TMEM132D: variants seen among roughly 807,000 people sequenced by gnomAD.
TMEM132D encodes the protein mature OL transmembrane protein.
In TMEM132D, 21 loss-of-function variants were observed where a neutral mutation model predicts 62.3. The ratio of observed to expected loss-of-function variants is 0.34; its 90% CI spans 0.24 to 0.49. The LOEUF (loss-of-function observed/expected upper bound fraction) is 0.49, where lower values mean the gene tolerates loss of function less well. TMEM132D is among the 20% of genes least tolerant of loss of function. The pLI is 0.99. For synonymous variants in TMEM132D, 621 were observed against 575.6 expected (o/e 1.08, Z -1.13); for missense variants, 1,346 against 1,402.8 (o/e 0.96, Z 0.65).
intron 2 of TMEM132D, among the ~76,000 whole-genome samples, chr12:129,598,702 T>G (rs1374125197): frequency 6.6e-6 from 1 of 152,190 alleles, no homozygotes. Context: ...AGGCACGGAA[T>G]AGTCACACCT....
rs144856557 is a variant in TMEM132D at position 129,391,221 on chromosome 12, T to C, written c.1116-53404A>G. On this transcript the variant is annotated intron_variant, in intron 3 of 8. Coordinates refer to ENST00000422113, the MANE Select transcript of TMEM132D (RefSeq NM_133448.3). ...TCACACGATGATAACAATAAGGAAA[T>C]AATAATAAAATGATCAACAGATCAC... is the stretch of plus-strand genomic sequence containing the variant. 8.5e-4 allele frequency among the ~76,000 whole-genome samples: 129 copies of C among 152,288 alleles called. 2 individuals are homozygous for C. In the East Asian group the frequency reaches 0.021, roughly 24 times the overall value.
intron 4 of TMEM132D, among the ~76,000 whole-genome samples, chr12:129,331,824 A>G (rs764016898): frequency 1.3e-5 from 2 of 152,230 alleles, no homozygotes; most frequent in Non-Finnish European, 2.9e-5. Context: ...GGAGGCAGTT[A>G]GGAGAGAAGG....
chr12:129,403,661 G>A (rs543154059), intron 3 of TMEM132D, among the ~76,000 whole-genome samples: 8 of 152,194 alleles, frequency 5.3e-5, no homozygotes, highest in Admixed American at 2.6e-4. Context: ...GGAAGAACAC[G>A]GGGAAAACGA....
chr12:129,839,375 C>T (rs528435711), intron 1 of TMEM132D, among the ~76,000 whole-genome samples: 3 of 151,718 alleles, frequency 2.0e-5, no homozygotes, highest in East Asian at 3.9e-4. Context: ...ATCCGCCTGC[C>T]TCGGCCTCCC....
intron 5 of TMEM132D, among the ~76,000 whole-genome samples, chr12:129,192,156 C>T (rs1382467612): frequency 6.6e-6 from 1 of 152,134 alleles, no homozygotes; most frequent in Non-Finnish European, 1.5e-5. Context: ...ACTACCTTGA[C>T]CTGCGTCTGC....
intron 2 of TMEM132D, among the ~76,000 whole-genome samples, chr12:129,630,809 C>T (rs979582655): frequency 4.2e-4 from 64 of 152,176 alleles, no homozygotes; most frequent in African/African-American, 1.4e-3. Context: ...CATCCAGGTA[C>T]TAAGCCTAGT....
chr12:129,280,341 C>T (rs188912653), intron 4 of TMEM132D, among the ~76,000 whole-genome samples: 125 of 152,254 alleles, frequency 8.2e-4, no homozygotes, highest in East Asian at 4.6e-3. Flanking sequence ...AAAACATGTG[C>T]AATATCCATG....
At chr12:129,860,036 A>G (rs1463894721) in intron 1 of TMEM132D, among the ~76,000 whole-genome samples, 1 of 152,172 alleles carries the variant, frequency 6.6e-6, no homozygotes, top group African/African-American at 2.4e-5. Flanking sequence ...TCACATAAAA[A>G]TGTGCATTTA....
In TMEM132D at chr12:129,467,357, G is replaced by A. The variant is rs553030198; in HGVS notation, c.1115+63702C>T. Among the ~76,000 whole-genome samples, 4 of 152,200 alleles carry A rather than the reference G, an allele frequency of 2.6e-5. No homozygotes were observed. In the South Asian group the frequency reaches 6.2e-4, roughly 24 times the overall value. On this transcript the variant is annotated intron_variant, in intron 3 of 8. Coordinates refer to ENST00000422113, the MANE Select transcript of TMEM132D (RefSeq NM_133448.3). ...TCTCAAAGATGGTGAAAGGAAGCTG[G>A]GGGCTTAAGAGAAACCAGTTCCAGG... is the stretch of plus-strand genomic sequence containing the variant.
At chr12:129,167,229 C>T (rs1185644532) in intron 5 of TMEM132D, among the ~76,000 whole-genome samples, 1 of 151,834 alleles carries the variant, frequency 6.6e-6, no homozygotes, top group Non-Finnish European at 1.5e-5. Context: ...CTAGAAGTTT[C>T]CTGAAGCACA....
intron 1 of TMEM132D, among the ~76,000 whole-genome samples, chr12:129,839,670 A>C (rs1452853263): frequency 1.3e-5 from 2 of 152,232 alleles, no homozygotes; most frequent in Non-Finnish European, 2.9e-5. Context: ...ACATATATGA[A>C]TATAAGGAGA....
chr12:129,337,441 G>GCGCACACACACACACA (rs56091765), intron 4 of TMEM132D, among the ~76,000 whole-genome samples, 193 bp downstream of exon 4: 1 of 148,112 alleles, frequency 6.8e-6, no homozygotes, highest in Admixed American at 6.7e-5. Context: ...ATACACACAC[G>GCGCACACACACACACA]CACACACACA....
chr12:129,414,789 G>T (rs1872066938), intron 3 of TMEM132D, among the ~76,000 whole-genome samples: 1 of 152,144 alleles, frequency 6.6e-6, no homozygotes, highest in South Asian at 2.1e-4. Context: ...TGGACACTTT[G>T]ACGAGCATCT....
At chr12:129,587,750 G>C (rs1356430478) in intron 2 of TMEM132D, among the ~76,000 whole-genome samples, 2 of 152,170 alleles carry the variant, frequency 1.3e-5, no homozygotes, top group Non-Finnish European at 2.9e-5. Flanking sequence ...AGCCGTATTT[G>C]TGTCACCACA....
chr12:129,314,082 T>C lies in TMEM132D; in HGVS notation c.1299+23552A>G, dbSNP rs545549976. ...TTTTTTCTTACTAATTTGTTTGAGT[T>C]TGTTGTAGATTCTGGATATCAGTCC... is the stretch of plus-strand genomic sequence containing the variant. On this transcript the variant is annotated intron_variant, in intron 4 of 8. Transcript: ENST00000422113. Among the ~76,000 whole-genome samples the C allele has an allele frequency of 2.6e-5, 4 of 152,322 alleles. No individual in the cohort carries two copies. In the South Asian group the frequency reaches 8.3e-4, roughly 32 times the overall value.
At chr12:129,441,481 C>CA (rs1354687709) in intron 3 of TMEM132D, among the ~76,000 whole-genome samples, 2 of 152,208 alleles carry the variant, frequency 1.3e-5, no homozygotes, top group Admixed American at 6.5e-5. Context: ...GAGCTGAAAT[C>CA]AAACCAGAGA....
chr12:129,443,547 T>C (rs7296564), intron 3 of TMEM132D, among the ~76,000 whole-genome samples: 62,048 of 152,060 alleles, frequency 0.41, 14,800 homozygotes, highest in East Asian at 0.78. Flanking sequence ...CTGGACTTGT[T>C]GTCCCTGGCT....
chr12:129,277,199 CCTTTT>C lies in TMEM132D; in HGVS notation c.1299+60430_1299+60434del, dbSNP rs551874580. Among the ~76,000 whole-genome samples, 39 of 152,170 alleles carry C rather than the reference CCTTTT, an allele frequency of 2.6e-4. No homozygotes were observed. Among genetic ancestry groups the C allele is most frequent in the African/African-American group, 8.2e-4 (34 of 41,522 alleles). ...ACTATGGAAACAAGCCTGGCTTTTTCCTTTTCTTTTATTTTTTCTCACTAAAGATA... is the reference window on the plus strand; with the variant it reads ...ACTATGGAAACAAGCCTGGCTTTTTCCTTTTATTTTTTCTCACTAAAGATA... On this transcript the variant is annotated intron_variant, in intron 4 of 8. Coordinates refer to ENST00000422113, the MANE Select transcript of TMEM132D (RefSeq NM_133448.3). This position sits in a 1 kb window ranked among gnomAD's most constrained non-coding sequence, Gnocchi z 4.2.
chr12:129,198,984 T>C (rs1878617971), intron 5 of TMEM132D, among the ~76,000 whole-genome samples: 1 of 152,184 alleles, frequency 6.6e-6, no homozygotes, highest in Middle Eastern at 3.4e-3. Flanking sequence ...AAAATATCTA[T>C]TTCATGGGGT....
Sources: gnomAD v4.1 joint callset for allele counts (sites outside exome capture counted in the v4.1 genomes callset) on GRCh38, gnomAD v4.1.1 for gene constraint, Gnocchi (gnomAD v3.1) non-coding constraint, MANE v1.5 for transcripts, NCBI Gene and HGNC (gene_info 2026-07-23, HGNC 2026-07-21) for gene names.